CETP: variants seen among roughly 807,000 people sequenced by gnomAD.
The protein encoded by CETP is BPI fold containing family F.
Under a neutral mutation model 66.5 loss-of-function variants are expected in CETP, and 56 were observed. That is an observed-to-expected ratio of 0.84 (90% CI 0.68 to 1.05). The LOEUF is 1.05. Ranked by LOEUF, CETP falls within the 50% of genes least tolerant of loss-of-function variation. The pLI is 0.00. For missense variants in CETP, 612 were observed against 609.6 expected (o/e 1.00, Z -0.04); for synonymous variants, 251 against 245.7 (o/e 1.02, Z -0.20).
rs755524329 is a variant in CETP at position 56,982,243 on chromosome 16, T to C, written c.1321+6T>C. On this transcript the variant is annotated splice_donor_region_variant and intron_variant, in intron 14 of 15. Transcript: ENST00000200676. ...CATCCCTGAGGTCATGTCTCGTAAG[T>C]GTGGGCTGGAGGGGAAACTGGGTGC... 8.1e-6 allele frequency: 13 copies of C among 1,613,864 alleles called. No homozygotes were observed. The highest frequency in any genetic ancestry group is 1.3e-5 in the African/African-American group (1 of 74,902).
At chr16:56,964,109 C>A (rs1461773688) in intron 2 of CETP, among the ~76,000 whole-genome samples, 2 of 151,860 alleles carry the variant, frequency 1.3e-5, no homozygotes, top group African/African-American at 4.8e-5. Flanking sequence ...TCACTGCAAC[C>A]TCCACCTCCC....
chr16:56,973,018 G>T (rs1293324290), intron 8 of CETP, among the ~76,000 whole-genome samples: 18 of 152,220 alleles, frequency 1.2e-4, no homozygotes, highest in African/African-American at 3.9e-4. Flanking sequence ...GTGGTCAGCT[G>T]GGGCGGGGTG....
intron 9 of CETP, 33 bp from the exon 10 acceptor site, chr16:56,975,068 C>T (rs1195590043): frequency 1.2e-6 from 2 of 1,610,248 alleles, no homozygotes; most frequent in African/African-American, 1.3e-5. Context: ...GACTTTACTC[C>T]ACCCACCCTC....
Position 56,969,895 on chromosome 16 carries a change from A to T in CETP, c.440-19A>T. The T allele has an allele frequency of 1.2e-6, 2 of 1,612,864 alleles. No homozygotes were observed. Among genetic ancestry groups the T allele is most frequent in the Non-Finnish European group, 8.5e-7 (1 of 1,179,272 alleles). ...TGATAGCGGAGGCTGCCCTGAGGTC[A>T]TGTCGGGTCTCCCTGCAGCCTGTGA... On this transcript the variant is annotated intron_variant, in intron 4 of 15. Coordinates refer to ENST00000200676, the MANE Select transcript of CETP (RefSeq NM_000078.3).
At chr16:56,967,791 C>G (rs1260392777) in intron 2 of CETP, among the ~76,000 whole-genome samples, 1 of 151,840 alleles carries the variant, frequency 6.6e-6, no homozygotes, top group Non-Finnish European at 1.5e-5. Flanking sequence ...GTGAGACCCC[C>G]CCAATCTGCA....
intron 10 of CETP, among the ~76,000 whole-genome samples, chr16:56,976,017 A>T (rs1273922233): frequency 2.0e-5 from 3 of 152,086 alleles, no homozygotes; most frequent in African/African-American, 7.2e-5. Context: ...CGGCTCTGTG[A>T]TGCCTCTCTC....
At chr16:56,981,725 C>T (rs2056189927) in intron 13 of CETP, 45 bp downstream of exon 13, 32 of 1,601,896 alleles carry the variant, frequency 2.0e-5, no homozygotes, top group Non-Finnish European at 2.7e-5. Flanking sequence ...CCTGTGGGAC[C>T]TCCTGCCTTA....
At chr16:56,964,722 T>A (rs1445951325) in intron 2 of CETP, among the ~76,000 whole-genome samples, 1 of 152,258 alleles carries the variant, frequency 6.6e-6, no homozygotes, top group African/African-American at 2.4e-5. Flanking sequence ...CCAGCGGTGC[T>A]GGATGCCACT....
chr16:56,979,942 G>A (rs1597006599), intron 11 of CETP, among the ~76,000 whole-genome samples: 1 of 152,206 alleles, frequency 6.6e-6, no homozygotes, highest in Admixed American at 6.5e-5. Flanking sequence ...GTGACTGGGT[G>A]CATTTCCTTC....
Position 56,983,593 on chromosome 16 carries a change from G to A in CETP, c.1409G>A (p.Gly470Asp), listed in dbSNP as rs2056204194. 1.2e-6 allele frequency: 2 copies of A among 1,614,160 alleles called. No individual in the cohort carries two copies. The highest frequency in any genetic ancestry group is 1.7e-6 in the Non-Finnish European group (2 of 1,180,028). Residue 470 changes from glycine (G) to aspartate (D), a missense_variant and splice_region_variant, in exon 16 of 16, where the codon GGC becomes GAC. Gly to Asp is a moderately conservative substitution (Grantham distance 94, BLOSUM62 -1). Transcript: ENST00000200676. ...CTCTCCTACTGCCCCTCCCTTCAGG[G>A]CTTCCTGCTGCTGCAGATGGACTTT... ...IINPEIITRD[G>D]FLLLQMDFGF...
rs554557167 is a variant in CETP, at chr16:56,978,880, C to T, written c.1146+625C>T. Among the ~76,000 whole-genome samples the T allele has an allele frequency of 5.9e-5, 9 of 152,246 alleles. No individual in the cohort carries two copies. In the East Asian group the frequency reaches 9.7e-4, roughly 16 times the overall value. ...TCACTGTGTTGCCCAGGCTGGAGTG[C>T]GGTGGCACAATCTCGGCTCACTACA... On this transcript the variant is annotated intron_variant, in intron 11 of 15. Transcript: ENST00000200676.
In CETP at chr16:56,973,232, C is replaced by T. The variant is rs2056125518; in HGVS notation, c.751-99C>T. 3.8e-6 allele frequency: 5 copies of T among 1,301,712 alleles called. No individual in the cohort carries two copies. The South Asian group carries it at 6.0e-5, about 15-fold the overall frequency. 80.6% of individuals were successfully genotyped at this position (1,301,712 alleles called of 1,614,324 possible). A position where few individuals can be genotyped will look rare whatever the true frequency, so the allele number is the denominator to read the frequency against. On this transcript the variant is annotated intron_variant, in intron 8 of 15. Transcript: ENST00000200676. ...TCTTTCCTCAGTTTCCCCATCTGCACTCTGGGCTGAATGCTGGGGCTCCTC... is the reference window on the plus strand; with the variant it reads ...TCTTTCCTCAGTTTCCCCATCTGCATTCTGGGCTGAATGCTGGGGCTCCTC...
Position 56,983,407 on chromosome 16 carries a change from G to C in CETP, c.1403G>C (p.Arg468Pro). Residue 468 changes from arginine (R) to proline (P), a missense_variant, in exon 15 of 16, where the codon CGA becomes CCA. Coordinates refer to ENST00000200676, the MANE Select transcript of CETP (RefSeq NM_000078.3). ...ATCATCAACCCTGAGATTATCACTC[G>C]AGATGTGAGTACAAAGCCCCCCTCA... ...FDIINPEIITRDGFLLLQMDF... is the reference protein window; with the variant it reads ...FDIINPEIITPDGFLLLQMDF... 6.2e-7 allele frequency: 1 copy of C among 1,614,106 alleles called. No individual in the cohort carries two copies. Among genetic ancestry groups the C allele is most frequent in the Non-Finnish European group, 8.5e-7 (1 of 1,179,950 alleles).
intron 9 of CETP, among the ~76,000 whole-genome samples, chr16:56,974,743 G>T (rs1009867154): frequency 1.3e-5 from 2 of 152,242 alleles, no homozygotes; most frequent in Admixed American, 1.3e-4. Context: ...CAGCCTGTAA[G>T]AGGTGGCCCC....
intron 2 of CETP, among the ~76,000 whole-genome samples, chr16:56,964,770 C>T (rs1169095408): frequency 1.3e-5 from 2 of 152,232 alleles, no homozygotes; most frequent in East Asian, 1.9e-4. Context: ...CTAGCGGGTG[C>T]TGTGGGGCGT....
chr16:56,975,867 C>T (rs1473466280), intron 10 of CETP, among the ~76,000 whole-genome samples: 1 of 152,172 alleles, frequency 6.6e-6, no homozygotes, highest in African/African-American at 2.4e-5. Context: ...TGAGCAGAGC[C>T]ACCAACAGAA....
chr16:56,975,134 C>G lies in CETP; in HGVS notation c.964C>G (p.Gln322Glu). Residue 322 changes from glutamine to glutamate, a missense_variant, in exon 10 of 16, where the codon CAG becomes GAG. Coordinates refer to ENST00000200676, the MANE Select transcript of CETP (RefSeq NM_000078.3). ...VLETWGFNTNQEIFQEVVGGF... is the reference protein window; with the variant it reads ...VLETWGFNTNEEIFQEVVGGF... ...GGAGACCTGGGGCTTCAACACCAAC[C>G]AGGAAATCTTCCAAGAGGTAACTGC... 6.2e-7 allele frequency: 1 copy of G among 1,614,130 alleles called. No homozygotes were observed. The highest frequency in any genetic ancestry group is 8.5e-7 in the Non-Finnish European group (1 of 1,179,988).
chr16:56,972,023 G>A lies in CETP; in HGVS notation c.690G>A (p.Val230=), dbSNP rs1348631786. Residue 230 remains valine, a synonymous_variant, in exon 8 of 16, where the codon GTG becomes GTA. Coordinates refer to ENST00000200676, the MANE Select transcript of CETP (RefSeq NM_000078.3). ...ASILSDGDIG[V]DISLTGDPVI... Reference sequence around the variant, plus strand: ...TCCTTTCAGATGGAGACATTGGGGTGGACATTTCCCTGACAGGTGATCCCG... The same window carrying A: ...TCCTTTCAGATGGAGACATTGGGGTAGACATTTCCCTGACAGGTGATCCCG... The A allele has an allele frequency of 1.2e-6, 2 of 1,614,108 alleles. No individual in the cohort carries two copies. The highest frequency in any genetic ancestry group is 1.7e-6 in the Non-Finnish European group (2 of 1,179,992).
At chr16:56,968,218 C>T (rs1438391348) in intron 2 of CETP, among the ~76,000 whole-genome samples, 1 of 151,930 alleles carries the variant, frequency 6.6e-6, no homozygotes, top group Non-Finnish European at 1.5e-5. Context: ...GACAGTCTTG[C>T]TCTGTTGCCC....
Sources: gnomAD v4.1 joint callset for allele counts (sites outside exome capture counted in the v4.1 genomes callset) on GRCh38, gnomAD v4.1.1 for gene constraint, MANE v1.5 for transcripts, NCBI Gene and HGNC (gene_info 2026-07-23, HGNC 2026-07-21) for gene names.